The following MROH9 variants were observed in gnomAD, a reference collection of about 807,000 sequenced individuals.
MROH9 encodes the protein maestro heat like repeat family member 9, also known as maestro heat-like repeat-containing protein family member 9.
MROH9 carries 92 observed loss-of-function variants against 98.2 expected under a neutral mutation model. The ratio of observed to expected loss-of-function variants is 0.94; its 90% CI spans 0.79 to 1.11. The LOEUF (loss-of-function observed/expected upper bound fraction) is 1.11, where lower values mean the gene tolerates loss of function less well. Among genes scored for constraint, MROH9 ranks in the 50% most tolerant of loss-of-function variants. The pLI is 0.00. For missense variants in MROH9, 1,057 were observed against 1,014.8 expected (o/e 1.04, Z -0.57); for synonymous variants, 397 against 368.9 (o/e 1.08, Z -0.87).
intron 2 of MROH9, among the ~76,000 whole-genome samples, chr1:170,946,877 T>C (rs929816038): frequency 5.7e-4 from 86 of 151,988 alleles, no homozygotes; most frequent in African/African-American, 2.0e-3. Flanking sequence ...CATTAAAAAA[T>C]TTAAAAGCCC....
At chr1:170,944,275 C>G (rs1649234311) in intron 1 of MROH9, among the ~76,000 whole-genome samples, 2 of 151,894 alleles carry the variant, frequency 1.3e-5, no homozygotes, top group Non-Finnish European at 2.9e-5. Context: ...TCCTAAACAT[C>G]ATCACAACAG....
chr1:171,029,119 C>T (rs565075594), intron 20 of MROH9, among the ~76,000 whole-genome samples: 1 of 152,254 alleles, frequency 6.6e-6, no homozygotes, highest in Admixed American at 6.5e-5. Flanking sequence ...CCAGCTTTTG[C>T]CCATTCAACA....
chr1:170,958,031 G>A (rs567863648), intron 3 of MROH9, among the ~76,000 whole-genome samples: 1 of 151,962 alleles, frequency 6.6e-6, no homozygotes, highest in African/African-American at 2.4e-5. Context: ...GGATGGTCTC[G>A]ATCTCCTGAC....
chr1:171,033,601 G>A (rs1653000704), intron 20 of MROH9, among the ~76,000 whole-genome samples: 1 of 152,210 alleles, frequency 6.6e-6, no homozygotes, highest in Non-Finnish European at 1.5e-5. Context: ...CAGTTCTGAT[G>A]AGAAAACCTG....
intron 16 of MROH9, among the ~76,000 whole-genome samples, chr1:171,014,728 G>A (rs533712608): frequency 1.1e-4 from 16 of 151,990 alleles, no homozygotes; most frequent in East Asian, 5.8e-4. Context: ...CTTATCTCTC[G>A]CAGCCTCATC....
chr1:171,033,141 G>A (rs1174649301), intron 20 of MROH9, among the ~76,000 whole-genome samples: 1 of 152,252 alleles, frequency 6.6e-6, no homozygotes, highest in East Asian at 1.9e-4. Flanking sequence ...CAGGGGAAAA[G>A]CACAGCCTGG....
At position 170,945,546 on chromosome 1, in the gene MROH9, C is replaced by A. The variant is rs754641089; in HGVS notation, c.-11C>A. Reference sequence around the variant, plus strand: ...ATTACTAGTAGAAGACTTTAATACACCTCTGTCAGCATGTTGACAAGGAAT... The same window carrying A: ...ATTACTAGTAGAAGACTTTAATACAACTCTGTCAGCATGTTGACAAGGAAT... On this transcript the variant is annotated 5_prime_UTR_variant, in exon 2 of 22. Transcript: ENST00000367759. The A allele has an allele frequency of 5.0e-6, 8 of 1,611,966 alleles. No individual in the cohort carries two copies. In the Admixed American group the frequency reaches 1.3e-4, roughly 27 times the overall value.
chr1:170,937,696 T>C (rs1051897239), intron 1 of MROH9, among the ~76,000 whole-genome samples: 4 of 151,664 alleles, frequency 2.6e-5, no homozygotes, highest in Non-Finnish European at 5.9e-5. Context: ...TAATTTTTTT[T>C]GTATTTTTAG....
At chr1:170,969,765 G>A (rs902810983) in intron 7 of MROH9, among the ~76,000 whole-genome samples, 1 of 152,148 alleles carries the variant, frequency 6.6e-6, no homozygotes, top group Admixed American at 6.5e-5. Context: ...GTTTAGGAGT[G>A]AATACCGAGA....
rs16863941 is a variant in MROH9 at position 171,016,561 on chromosome 1, T to C, written c.1908+225T>C. On this transcript the variant is annotated intron_variant, in intron 17 of 21. Transcript: ENST00000367759. ...ACTAATCAAGGAATAGCCTCTATCC[T>C]TGGATGAAACTGTAGCTTTGTGGCT... Among the ~76,000 whole-genome samples, 863 of 152,210 alleles carry C rather than the reference T, an allele frequency of 5.7e-3. 6 individuals carry two copies. Among genetic ancestry groups the C allele is most frequent in the African/African-American group, 0.02 (811 of 41,540 alleles).
At position 170,970,455 on chromosome 1, in the gene MROH9, C is replaced by A. The variant is rs571963616; in HGVS notation, c.481-1293C>A. ...ATTCAGGCAAAGAGAGCATTTCCCC[C>A]TAGGGCCTAGAGCAGAGGCTGTCTG... On this transcript the variant is annotated intron_variant, in intron 7 of 21. Coordinates refer to ENST00000367759, the MANE Select transcript of MROH9 (RefSeq NM_001163629.2). Among the ~76,000 whole-genome samples the A allele has an allele frequency of 2.6e-5, 4 of 152,210 alleles. No homozygotes were observed. In the East Asian group the frequency reaches 7.7e-4, roughly 29 times the overall value.
intron 6 of MROH9, among the ~76,000 whole-genome samples, chr1:170,963,168 G>A (rs975884052): frequency 6.6e-6 from 1 of 150,854 alleles, no homozygotes; most frequent in East Asian, 1.9e-4. Context: ...AGTGGGCAAA[G>A]GACATGAACA....
At position 170,996,490 on chromosome 1, in the gene MROH9, C is replaced by G. The variant is rs1250070068; in HGVS notation, c.1338-17C>G. 1 of 1,608,696 alleles carries G rather than the reference C, an allele frequency of 6.2e-7. No homozygotes were observed. The highest frequency in any genetic ancestry group is 8.5e-7 in the Non-Finnish European group (1 of 1,177,736). ...ATCACCGGCATGTGATGACTTTGCT[C>G]TCTTTTGGGGCTTTAGGTATGCCCA... On this transcript the variant is annotated splice_polypyrimidine_tract_variant and intron_variant, in intron 13 of 21. Coordinates refer to ENST00000367759, the MANE Select transcript of MROH9 (RefSeq NM_001163629.2).
At chr1:171,010,023 C>T (rs1652097361) in intron 15 of MROH9, among the ~76,000 whole-genome samples, 1 of 152,134 alleles carries the variant, frequency 6.6e-6, no homozygotes, top group Admixed American at 6.5e-5. Flanking sequence ...TAGGTATACA[C>T]ATGACATGGT....
intron 20 of MROH9, among the ~76,000 whole-genome samples, chr1:171,057,548 A>G (rs1653880538): frequency 6.6e-6 from 1 of 152,184 alleles, no homozygotes. Context: ...GCACTTCATG[A>G]TATTATCCAG....
At chr1:170,948,373 T>A (rs17562792) in intron 3 of MROH9, among the ~76,000 whole-genome samples, 14,703 of 152,032 alleles carry the variant, frequency 0.097, 800 homozygotes, top group Non-Finnish European at 0.1. Context: ...AACATTGATA[T>A]CATTTGGTGG....
chr1:171,048,257 C>T (rs1001312608), intron 20 of MROH9, among the ~76,000 whole-genome samples: 1 of 152,192 alleles, frequency 6.6e-6, no homozygotes, highest in Non-Finnish European at 1.5e-5. Context: ...TCCCCCAGGA[C>T]ATGAGTGGAG....
chr1:170,978,919 C>A (rs1277264730), intron 8 of MROH9, among the ~76,000 whole-genome samples: 2 of 152,150 alleles, frequency 1.3e-5, no homozygotes, highest in South Asian at 2.1e-4. Flanking sequence ...AACTCGCCCT[C>A]CCAGGGAGGT....
intron 20 of MROH9, among the ~76,000 whole-genome samples, chr1:171,054,547 G>T (rs768780879): frequency 1.3e-5 from 2 of 152,146 alleles, no homozygotes; most frequent in Non-Finnish European, 2.9e-5. Context: ...TAACTAAAAA[G>T]CTTCTGCACA....
Sources: gnomAD v4.1 joint callset for allele counts (sites outside exome capture counted in the v4.1 genomes callset) on GRCh38, gnomAD v4.1.1 for gene constraint, MANE v1.5 for transcripts, NCBI Gene and HGNC (gene_info 2026-07-23, HGNC 2026-07-21) for gene names.